Variants in MBD3 observed in about 807,000 individuals in gnomAD.
MBD3 encodes the protein methyl-CpG-binding domain protein 3.
MBD3 carries 13 observed loss-of-function variants against 31.2 expected under a neutral mutation model. That is an observed-to-expected ratio of 0.42 (90% CI 0.27 to 0.66). MBD3 has a LOEUF of 0.66. Among genes scored for constraint, MBD3 ranks in the 30% least tolerant of loss-of-function variants. The pLI, the probability that MBD3 is intolerant of heterozygous loss-of-function variation, is 0.26. For synonymous variants in MBD3, 223 were observed against 187.4 expected, an observed-to-expected ratio of 1.19 and a Z score of -1.55; for missense variants, 440 against 426.5, an observed-to-expected ratio of 1.03 and a Z score of -0.28.
chr19:1,584,960 G>C, intron 2 of MBD3, 95 bp downstream of exon 2: 13 of 1,533,804 alleles, frequency 8.5e-6, no homozygotes, highest in Non-Finnish European at 1.1e-5. Flanking sequence ...CCTGCGCTCA[G>C]GACGCCGGGC....
rs569336724 is a variant in MBD3 at position 1,582,443 on chromosome 19, C to T, written c.499+179G>A. Among the ~76,000 whole-genome samples the T allele has an allele frequency of 2.6e-5, 4 of 152,222 alleles. No homozygotes were observed. The South Asian group carries it at 6.2e-4, about 24-fold the overall frequency. The stretch of plus-strand genomic sequence containing the variant: ...TCAAGAATGAAGGGCCCAGCCCAAG[C>T]GCCCTTACCCATCCCCAACCCCACT... On this transcript the variant is annotated intron_variant, in intron 4 of 6. Coordinates refer to ENST00000434436, the MANE Select transcript of MBD3 (RefSeq NM_001281453.2).
At chr19:1,587,296 C>G (rs2060683990) in intron 1 of MBD3, among the ~76,000 whole-genome samples, 2 of 151,932 alleles carry the variant, frequency 1.3e-5, no homozygotes, top group African/African-American at 4.8e-5. Flanking sequence ...GAGATAGGGT[C>G]TCACCATGTT....
intron 1 of MBD3, among the ~76,000 whole-genome samples, chr19:1,590,223 G>A (rs758107134): frequency 1.6e-4 from 25 of 152,278 alleles, no homozygotes; most frequent in South Asian, 8.3e-4. Context: ...GCTTGAACCC[G>A]GGAGGTGGAG....
At chr19:1,584,915 G>T in intron 2 of MBD3, 140 bp downstream of exon 2, 1 of 1,276,566 alleles carries the variant, frequency 7.8e-7, no homozygotes, top group Non-Finnish European at 1.1e-6. Flanking sequence ...TGTGGCCTGC[G>T]CCTTCCGCTC....
At chr19:1,583,073 G>A (rs1246967511) in intron 3 of MBD3, among the ~76,000 whole-genome samples, 2 of 151,860 alleles carry the variant, frequency 1.3e-5, no homozygotes, top group African/African-American at 4.8e-5. Context: ...GTGTGGTGAC[G>A]GGCGCCTGTA....
chr19:1,575,351 G>T lies in MBD3; in HGVS notation c.*2813C>A. Reference sequence around the variant, plus strand: ...GAAGGTGGAGGTTGCAGTGAGCCCAGATCACGCCACTGCACTCCAGCCTGT... The same window carrying T: ...GAAGGTGGAGGTTGCAGTGAGCCCATATCACGCCACTGCACTCCAGCCTGT... On this transcript the variant is annotated 3_prime_UTR_variant, in exon 7 of 7. Transcript: ENST00000434436. 2.3e-6 allele frequency: 1 copy of T among 430,432 alleles called. No individual in the cohort carries two copies. Among genetic ancestry groups the T allele is most frequent in the South Asian group, 1.6e-5 (1 of 63,458 alleles). The allele number at this position is 430,432 out of a possible 1,614,324, so 26.7% of individuals were successfully genotyped here.
At position 1,590,897 on chromosome 19, in the gene MBD3, C is replaced by T. The variant is rs540585536; in HGVS notation, c.110+1625G>A. On this transcript the variant is annotated intron_variant, in intron 1 of 6. Transcript: ENST00000434436. ...GGCGGCTCTGGGCTGCCTGGCTTCA[C>T]CCTCTGCAGAGAAACCTGAAATCTC... 3.9e-5 allele frequency among the ~76,000 whole-genome samples: 6 copies of T among 152,330 alleles called. No individual in the cohort carries two copies. The South Asian group carries it at 1.2e-3, about 32-fold the overall frequency.
intron 1 of MBD3, among the ~76,000 whole-genome samples, chr19:1,588,804 T>C (rs137925281): frequency 0.012 from 1,277 of 106,876 alleles, 23 homozygotes; most frequent in African/African-American, 0.043. Flanking sequence ...AAAAAAAAGG[T>C]GTAAGGCGAA....
Position 1,581,154 on chromosome 19 carries a change from G to C in MBD3, c.615C>G (p.Gly205=), listed in dbSNP as rs747622082. Residue 205 remains glycine (G), a synonymous_variant, in exon 5 of 7, where the codon GGC becomes GGG. Coordinates refer to ENST00000434436, the MANE Select transcript of MBD3 (RefSeq NM_001281453.2). ...GGGGCTGCGTGGTGTTGAGCCATAC[G>C]CCGGGGTTCTTCTCCACGGCGGCCG... ...QLSAAVEKNP[G]VWLNTTQPLC... 1 of 1,614,152 alleles carries C rather than the reference G, an allele frequency of 6.2e-7. No individual in the cohort carries two copies. Among genetic ancestry groups the C allele is most frequent in the Non-Finnish European group, 8.5e-7 (1 of 1,180,026 alleles).
rs930172694 is a variant in MBD3, at chr19:1,574,465, CTG to C, written c.*3697_*3698del. Reference sequence around the variant, plus strand: ...ATGGGATTGCACGCCGTGTCGGTGTCTGTGTGTCTCTTGCTGAGGGTGGACTC... The same window carrying C: ...ATGGGATTGCACGCCGTGTCGGTGTCTGTGTCTCTTGCTGAGGGTGGACTC... On this transcript the variant is annotated 3_prime_UTR_variant, in exon 7 of 7. Coordinates refer to ENST00000434436, the MANE Select transcript of MBD3 (RefSeq NM_001281453.2). 5.3e-5 allele frequency: 8 copies of C among 152,334 alleles called. No homozygotes were observed. Among genetic ancestry groups the C allele is most frequent in the South Asian group, 2.1e-4 (1 of 4,838 alleles). 9.4% of individuals were successfully genotyped at this position (152,334 alleles called of 1,614,324 possible).
rs183336362 is a variant in MBD3 at position 1,575,204 on chromosome 19, C to A, written c.*2960G>T. 7 of 431,866 alleles carry A rather than the reference C, an allele frequency of 1.6e-5. No homozygotes were observed. The highest frequency in any genetic ancestry group is 4.0e-5 in the African/African-American group (2 of 49,416). 26.8% of individuals were successfully genotyped at this position (431,866 alleles called of 1,614,324 possible). On this transcript the variant is annotated 3_prime_UTR_variant, in exon 7 of 7. Coordinates refer to ENST00000434436, the MANE Select transcript of MBD3 (RefSeq NM_001281453.2). ...CGGCAATTTGGGAAGCTGGGGCGGG[C>A]GGATCACCTGAGGTTAGGAGTTCCA...
chr19:1,592,133 C>G (rs1228413067), intron 1 of MBD3: 1 of 152,400 alleles, frequency 6.6e-6, no homozygotes, highest in East Asian at 1.9e-4. Context: ...CTGGCCACCC[C>G]CTCGGGCTCC....
At chr19:1,580,409 C>T (rs1192554952) in intron 5 of MBD3, among the ~76,000 whole-genome samples, 1 of 152,254 alleles carries the variant, frequency 6.6e-6, no homozygotes, top group Non-Finnish European at 1.5e-5. Flanking sequence ...CCCGCATGCC[C>T]AGCGCCTCCC....
At chr19:1,579,710 G>A (rs1917305010) in intron 5 of MBD3, among the ~76,000 whole-genome samples, 1 of 152,074 alleles carries the variant, frequency 6.6e-6, no homozygotes. Context: ...CATCTTTCCA[G>A]ACAGGACCCT....
intron 1 of MBD3, among the ~76,000 whole-genome samples, chr19:1,587,198 C>G (rs2060683409): frequency 6.6e-6 from 1 of 151,858 alleles, no homozygotes; most frequent in South Asian, 2.1e-4. Flanking sequence ...ACCTCCTGAC[C>G]TCATGATCTG....
intron 1 of MBD3, 64 bp downstream of exon 1, chr19:1,592,458 G>A (rs1276767933): frequency 5.9e-6 from 5 of 852,440 alleles, no homozygotes; most frequent in African/African-American, 5.5e-5. Flanking sequence ...GGGGCGCCGA[G>A]GCCGCCGCAG....
chr19:1,582,310 G>C (rs2060656260), intron 4 of MBD3, among the ~76,000 whole-genome samples: 1 of 152,162 alleles, frequency 6.6e-6, no homozygotes, highest in Non-Finnish European at 1.5e-5. Context: ...GTCCTTGTTT[G>C]TTTATTTAGG....
chr19:1,591,106 C>T (rs776237783), intron 1 of MBD3, among the ~76,000 whole-genome samples: 39 of 152,210 alleles, frequency 2.6e-4, no homozygotes, highest in Non-Finnish European at 4.9e-4. Flanking sequence ...TGCCTGGACG[C>T]CTCTCCCTGT....
chr19:1,582,591 C>T, intron 4 of MBD3, 31 bp downstream of exon 4: 1 of 1,604,708 alleles, frequency 6.2e-7, no homozygotes, highest in Non-Finnish European at 8.5e-7. Flanking sequence ...CGGCACATCC[C>T]CTTCCGCCTC....
Sources: gnomAD v4.1 joint callset for allele counts (sites outside exome capture counted in the v4.1 genomes callset) on GRCh38, gnomAD v4.1.1 for gene constraint, MANE v1.5 for transcripts, NCBI Gene and HGNC (gene_info 2026-07-23, HGNC 2026-07-21) for gene names.